Variants in BCAS3 observed in about 807,000 individuals in gnomAD.
The protein encoded by BCAS3 is BCAS3 microtubule associated cell migration factor.
Under a neutral mutation model 116.1 loss-of-function variants are expected in BCAS3, and 53 were observed. The ratio of observed to expected loss-of-function variants is 0.46; its 90% CI spans 0.37 to 0.57. The LOEUF (loss-of-function observed/expected upper bound fraction) is 0.57. Ranked by LOEUF, BCAS3 falls within the 20% of genes least tolerant of loss-of-function variation. The probability of loss-of-function intolerance (pLI) is 0.00; values close to 1 mark genes in which losing one functional copy is unlikely to be tolerated. For missense variants in BCAS3, 917 were observed against 1,165.4 expected, an observed-to-expected ratio of 0.79 and a Z score of 3.10; for synonymous variants, 391 against 408.2, an observed-to-expected ratio of 0.96 and a Z score of 0.51.
At position 61,118,611 on chromosome 17, in the gene BCAS3, T is replaced by C. The variant is rs1227891880; in HGVS notation, c.2425+34047T>C. On this transcript the variant is annotated intron_variant, in intron 22 of 23. Transcript: ENST00000407086. This position sits in a 1 kb window ranked among gnomAD's most constrained non-coding sequence, Gnocchi z 5.0. ...TGGAGTCTGGGCTCCCTACTTGGCC[T>C]TTCCCACTGTGGGTGGTGGGGGTGC... Among the ~76,000 whole-genome samples the C allele has an allele frequency of 6.6e-6, 1 of 152,162 alleles. No homozygotes were observed. The highest frequency in any genetic ancestry group is 2.4e-5 in the African/African-American group (1 of 41,446).
At position 61,204,324 on chromosome 17, in the gene BCAS3, G is replaced by T. The variant is rs1211423386; in HGVS notation, c.2425+119760G>T. Among the ~76,000 whole-genome samples the T allele has an allele frequency of 6.6e-6, 1 of 152,178 alleles. No individual in the cohort carries two copies. Among genetic ancestry groups the T allele is most frequent in the Non-Finnish European group, 1.5e-5 (1 of 68,044 alleles). ...CTGCATTTCTATAAATAGAATGAAG[G>T]TCATGTGAACGAGTTCAGAAGATTC... On this transcript the variant is annotated intron_variant, in intron 22 of 23. Transcript: ENST00000407086. This position sits in a 1 kb window ranked among gnomAD's most constrained non-coding sequence, Gnocchi z 4.2.
At chr17:61,373,124 T>C (rs2059134629) in intron 23 of BCAS3, among the ~76,000 whole-genome samples, 3 of 151,328 alleles carry the variant, frequency 2.0e-5, no homozygotes, top group South Asian at 2.1e-4. Flanking sequence ...GGAGTTTCGC[T>C]CTGTTGTCCA....
rs1210691524 is a variant in BCAS3, at chr17:61,313,998, TA to T, written c.2426-54328del. On this transcript the variant is annotated intron_variant, in intron 22 of 23. Coordinates refer to ENST00000407086, the MANE Select transcript of BCAS3 (RefSeq NM_017679.5). This position sits in a 1 kb window ranked among gnomAD's most constrained non-coding sequence, Gnocchi z 4.3. Reference sequence around the variant, plus strand: ...CCTCTTTTCCATTCAAAGAAAATCTTACTTGCCTTCTGCCCAACAATTTATC... The same window carrying T: ...CCTCTTTTCCATTCAAAGAAAATCTTCTTGCCTTCTGCCCAACAATTTATC... Among the ~76,000 whole-genome samples the T allele has an allele frequency of 1.3e-5, 2 of 152,236 alleles. No individual in the cohort carries two copies. Among genetic ancestry groups the T allele is most frequent in the Non-Finnish European group, 2.9e-5 (2 of 68,036 alleles).
rs753496298 is a variant in BCAS3, at chr17:60,993,811, T to C, written c.1486+3576T>C. 1.3e-5 allele frequency among the ~76,000 whole-genome samples: 2 copies of C among 152,224 alleles called. No homozygotes were observed. The highest frequency in any genetic ancestry group is 2.9e-5 in the Non-Finnish European group (2 of 68,016). ...AAGGAAACTGTTAAATAACAGTTGATATAGGGGTATTTCCTTTTTACTCTT... is the reference window on the plus strand; with the variant it reads ...AAGGAAACTGTTAAATAACAGTTGACATAGGGGTATTTCCTTTTTACTCTT... On this transcript the variant is annotated intron_variant, in intron 15 of 23. Coordinates refer to ENST00000407086, the MANE Select transcript of BCAS3 (RefSeq NM_017679.5). This position sits in a 1 kb window ranked among gnomAD's most constrained non-coding sequence, Gnocchi z 4.2.
chr17:61,141,031 A>G lies in BCAS3; in HGVS notation c.2425+56467A>G, dbSNP rs1243177529. On this transcript the variant is annotated intron_variant, in intron 22 of 23. Coordinates refer to ENST00000407086, the MANE Select transcript of BCAS3 (RefSeq NM_017679.5). This position sits in a 1 kb window ranked among gnomAD's most constrained non-coding sequence, Gnocchi z 4.3. ...ATTGCTACCACTTCTACTTTTCATT[A>G]TCATGTCTCTTTATCCTGATTCACC... Among the ~76,000 whole-genome samples, 2 of 152,008 alleles carry G rather than the reference A, an allele frequency of 1.3e-5. No homozygotes were observed. Among genetic ancestry groups the G allele is most frequent in the East Asian group, 1.9e-4 (1 of 5,184 alleles).
chr17:60,903,085 G>A (rs894883429), intron 11 of BCAS3, among the ~76,000 whole-genome samples: 8 of 152,192 alleles, frequency 5.3e-5, no homozygotes, highest in African/African-American at 1.9e-4. Context: ...TGTTTGTCAA[G>A]TGAGCTCTTT....
chr17:60,807,481 TA>T (rs1327741628), intron 6 of BCAS3, among the ~76,000 whole-genome samples: 4 of 151,856 alleles, frequency 2.6e-5, no homozygotes, highest in African/African-American at 9.7e-5. Context: ...AATTGAAACT[TA>T]AAAAAAATGC....
At chr17:60,985,962 C>T (rs1350422612) in intron 14 of BCAS3, among the ~76,000 whole-genome samples, 1 of 152,200 alleles carries the variant, frequency 6.6e-6, no homozygotes, top group Admixed American at 6.5e-5. Flanking sequence ...GTCTTGAACT[C>T]CTGACCTCAA....
At chr17:61,043,334 C>T (rs1272444391) in intron 19 of BCAS3, among the ~76,000 whole-genome samples, 2 of 151,994 alleles carry the variant, frequency 1.3e-5, no homozygotes, top group African/African-American at 2.4e-5. Flanking sequence ...TGTCACTGCA[C>T]TCCAGCCTGG....
intron 22 of BCAS3, among the ~76,000 whole-genome samples, chr17:61,092,992 GTC>G (rs934011703): frequency 7.2e-6 from 1 of 138,476 alleles, no homozygotes; most frequent in African/African-American, 2.8e-5. Flanking sequence ...TGCAACTTCC[GTC>G]TCCCAGGTTC....
At chr17:61,091,314 T>C (rs2073547176) in intron 22 of BCAS3, among the ~76,000 whole-genome samples, 1 of 152,186 alleles carries the variant, frequency 6.6e-6, no homozygotes, top group Non-Finnish European at 1.5e-5. Context: ...AGACCCAACT[T>C]TTCACTTTTG....
At chr17:61,092,936 C>T (rs918346501) in intron 22 of BCAS3, among the ~76,000 whole-genome samples, 1 of 120,470 alleles carries the variant, frequency 8.3e-6, no homozygotes, top group African/African-American at 3.2e-5. Flanking sequence ...GACAGAGTCT[C>T]AGTCTGTCAC....
chr17:60,982,338 A>G (rs1424283217), intron 14 of BCAS3, among the ~76,000 whole-genome samples: 1 of 152,044 alleles, frequency 6.6e-6, no homozygotes, highest in Non-Finnish European at 1.5e-5. Context: ...TGGGGGTCTC[A>G]CTCTGTTGCC....
chr17:61,048,269 G>A (rs957908007), intron 19 of BCAS3, among the ~76,000 whole-genome samples: 2 of 151,956 alleles, frequency 1.3e-5, no homozygotes, highest in African/African-American at 4.8e-5. Flanking sequence ...TTACTTTCCT[G>A]CATGTAGCAA....
intron 6 of BCAS3, among the ~76,000 whole-genome samples, chr17:60,786,235 C>T (rs565780415): frequency 1.2e-4 from 18 of 152,154 alleles, no homozygotes; most frequent in African/African-American, 2.6e-4. Flanking sequence ...TGAGGGAGCC[C>T]GGATAGTTCA....
At chr17:61,310,882 C>G (rs1010800756) in intron 22 of BCAS3, among the ~76,000 whole-genome samples, 4 of 152,162 alleles carry the variant, frequency 2.6e-5, no homozygotes, top group African/African-American at 9.7e-5. Context: ...TGAGGATCTT[C>G]TATGACATGA....
intron 11 of BCAS3, among the ~76,000 whole-genome samples, chr17:60,904,607 G>A (rs2058092112): frequency 6.6e-6 from 1 of 152,092 alleles, no homozygotes; most frequent in Admixed American, 6.6e-5. Flanking sequence ...TGAGGTGGGA[G>A]GATCACATGA....
At chr17:61,069,975 C>G in intron 19 of BCAS3, 1 of 1,585,630 alleles carries the variant, frequency 6.3e-7, no homozygotes, top group Admixed American at 1.7e-5. Context: ...TCCACAGCCA[C>G]AAAAAGAAGA....
chr17:60,947,393 A>G, intron 14 of BCAS3, 41 bp downstream of exon 14: 1 of 1,579,462 alleles, frequency 6.3e-7, no homozygotes, highest in Non-Finnish European at 8.7e-7. Context: ...TCTTGGTGTA[A>G]TATGACATCT....
Sources: gnomAD v4.1 joint callset for allele counts (sites outside exome capture counted in the v4.1 genomes callset) on GRCh38, gnomAD v4.1.1 for gene constraint, Gnocchi (gnomAD v3.1) non-coding constraint, MANE v1.5 for transcripts, NCBI Gene and HGNC (gene_info 2026-07-23, HGNC 2026-07-21) for gene names.